The following KIAA0825 variants were observed in gnomAD, a reference collection of about 807,000 sequenced individuals.
KIAA0825 encodes KIAA0825.
A neutral mutation model predicts 147.6 loss-of-function variants in KIAA0825; 119 were observed. That is an observed-to-expected ratio of 0.81 (90% CI 0.69 to 0.94). The LOEUF (loss-of-function observed/expected upper bound fraction) is 0.94, where lower values mean the gene tolerates loss of function less well. KIAA0825 is among the 40% of genes least tolerant of loss of function. The probability of loss-of-function intolerance (pLI) is 0.00; values close to 1 mark genes in which losing one functional copy is unlikely to be tolerated. For synonymous variants in KIAA0825, 470 were observed against 518.1 expected (o/e 0.91, Z 1.26); for missense variants, 1,381 against 1,472.7 (o/e 0.94, Z 1.02).
intron 5 of KIAA0825, among the ~76,000 whole-genome samples, chr5:94,504,014 G>C (rs942466536): frequency 6.6e-6 from 1 of 152,130 alleles, no homozygotes; most frequent in African/African-American, 2.4e-5. Flanking sequence ...AAAATGCAGA[G>C]GGACCTAAGA....
chr5:94,272,303 CAAT>C (rs1777030240), intron 20 of KIAA0825, among the ~76,000 whole-genome samples: 3 of 151,410 alleles, frequency 2.0e-5, no homozygotes, highest in Admixed American at 2.0e-4. Context: ...CTACACTCAA[CAAT>C]AATTTACTGC....
intron 20 of KIAA0825, among the ~76,000 whole-genome samples, chr5:94,252,455 GTATA>G (rs551298829): frequency 1.4e-3 from 208 of 149,176 alleles, no homozygotes; most frequent in Non-Finnish European, 2.5e-3. Context: ...GTGTGGGTGT[GTATA>G]TATATATAGA....
At chr5:94,321,120 T>G (rs1780143818) in intron 20 of KIAA0825, among the ~76,000 whole-genome samples, 1 of 152,026 alleles carries the variant, frequency 6.6e-6, no homozygotes, top group Non-Finnish European at 1.5e-5. Flanking sequence ...TCTGGAGTTA[T>G]GAATGAAACT....
At chr5:94,566,255 G>A (rs1413795873) in intron 2 of KIAA0825, among the ~76,000 whole-genome samples, 1 of 152,070 alleles carries the variant, frequency 6.6e-6, no homozygotes, top group Non-Finnish European at 1.5e-5. Flanking sequence ...ACTTAGAAAA[G>A]GGGAAACTGA....
intron 20 of KIAA0825, among the ~76,000 whole-genome samples, chr5:94,296,103 C>A (rs1467906383): frequency 6.6e-6 from 1 of 152,178 alleles, no homozygotes; most frequent in African/African-American, 2.4e-5. Context: ...AGATTCCCTG[C>A]TCAGAGAGGA....
intron 5 of KIAA0825, among the ~76,000 whole-genome samples, chr5:94,508,781 C>A (rs1455152352): frequency 6.6e-6 from 1 of 152,194 alleles, no homozygotes; most frequent in Admixed American, 6.5e-5. Flanking sequence ...TATTGCCGAG[C>A]CTGGCACTAA....
At chr5:94,182,282 CAG>C (rs1387899691) in intron 20 of KIAA0825, among the ~76,000 whole-genome samples, 1 of 3,286 alleles carries the variant, frequency 3.0e-4, no homozygotes, top group Non-Finnish European at 8.2e-4. Context: ...TTTTTTGAGA[CAG>C]GGCCTTTCTC....
At chr5:94,199,109 A>G (rs1276200122) in intron 20 of KIAA0825, among the ~76,000 whole-genome samples, 1 of 152,142 alleles carries the variant, frequency 6.6e-6, no homozygotes, top group African/African-American at 2.4e-5. Context: ...TTGAGGTAAG[A>G]AGACACTCTC....
intron 20 of KIAA0825, among the ~76,000 whole-genome samples, chr5:94,182,247 C>CTT (rs1769697500): frequency 1.4e-4 from 2 of 14,770 alleles, no homozygotes; most frequent in African/African-American, 2.0e-4. Context: ...TAAAATGTCC[C>CTT]TTCTTTTTTT....
At chr5:94,519,888 TA>T (rs912859827) in intron 5 of KIAA0825, 2 of 624,060 alleles carry the variant, frequency 3.2e-6, no homozygotes, top group African/African-American at 4.0e-5. Flanking sequence ...GTATATTTAA[TA>T]AACAGATAAA....
chr5:94,292,043 C>T (rs1777922912), intron 20 of KIAA0825, among the ~76,000 whole-genome samples: 1 of 152,108 alleles, frequency 6.6e-6, no homozygotes, highest in South Asian at 2.1e-4. Flanking sequence ...AATATACAAT[C>T]ATGTCATCCG....
At chr5:94,251,258 G>C (rs957401792) in intron 20 of KIAA0825, among the ~76,000 whole-genome samples, 2 of 152,062 alleles carry the variant, frequency 1.3e-5, no homozygotes, top group African/African-American at 4.8e-5. Flanking sequence ...TTCTGTAAAA[G>C]AACATCTTAA....
Position 94,520,257 on chromosome 5 carries a change from G to A in KIAA0825, c.961C>T (p.His321Tyr), listed in dbSNP as rs1009443536. The change falls in exon 5 of 21, where the codon CAT (histidine) becomes TAT (tyrosine). Residue 321 changes from histidine (H) to tyrosine (Y), a missense_variant. His to Tyr is a moderately conservative substitution (Grantham distance 83, BLOSUM62 2). Coordinates refer to ENST00000682413, the MANE Select transcript of KIAA0825 (RefSeq NM_001145678.3). ...TTTAAATGTCACTAACCCAAAGCAT[G>A]CACTGCTCCTCTATGCTTGCTGGAG... Reference protein sequence around the residue: ...KSSSKHRGAVHALVTTECPQK... With the variant: ...KSSSKHRGAVYALVTTECPQK... The A allele has an allele frequency of 6.2e-7, 1 of 1,605,040 alleles. No homozygotes were observed. The highest frequency in any genetic ancestry group is 8.5e-7 in the Non-Finnish European group (1 of 1,176,110).
intron 20 of KIAA0825, among the ~76,000 whole-genome samples, chr5:94,383,109 T>C (rs1211615727): frequency 5.9e-5 from 9 of 152,240 alleles, no homozygotes; most frequent in Admixed American, 1.3e-4. Context: ...TGGGACAGTA[T>C]AGGTGCACAC....
At chr5:94,601,274 G>T (rs557480558) in intron 1 of KIAA0825, among the ~76,000 whole-genome samples, 71 of 152,298 alleles carry the variant, frequency 4.7e-4, no homozygotes, top group African/African-American at 1.6e-3. Context: ...TCCAGATACT[G>T]GAAGATCTGA....
chr5:94,298,898 T>G (rs1392094299), intron 20 of KIAA0825, among the ~76,000 whole-genome samples: 1 of 152,124 alleles, frequency 6.6e-6, no homozygotes, highest in East Asian at 1.9e-4. Context: ...CAGAGAAATA[T>G]TTAGTCTGAC....
intron 20 of KIAA0825, among the ~76,000 whole-genome samples, chr5:94,192,020 G>C (rs1047885455): frequency 5.3e-5 from 8 of 152,204 alleles, no homozygotes; most frequent in Non-Finnish European, 1.2e-4. Context: ...AAGTCAATGG[G>C]AAAAGATGCA....
intron 8 of KIAA0825, 87 bp from the exon 9 acceptor site, chr5:94,471,818 A>G (rs1269249402): frequency 2.5e-6 from 3 of 1,222,212 alleles, no homozygotes; most frequent in Non-Finnish European, 2.3e-6. Flanking sequence ...TTCCTAAATA[A>G]TGAATTTGGC....
intron 20 of KIAA0825, among the ~76,000 whole-genome samples, chr5:94,228,332 G>T (rs1297278426): frequency 1.3e-5 from 2 of 152,090 alleles, no homozygotes; most frequent in Non-Finnish European, 2.9e-5. Flanking sequence ...TGTTTCTTCT[G>T]ATATTTACCT....
Sources: gnomAD v4.1 joint callset for allele counts (sites outside exome capture counted in the v4.1 genomes callset) on GRCh38, gnomAD v4.1.1 for gene constraint, MANE v1.5 for transcripts, NCBI Gene and HGNC (gene_info 2026-07-23, HGNC 2026-07-21) for gene names.